Variants in PPP1R12B observed in about 807,000 individuals in gnomAD.
PPP1R12B encodes the protein myosin phosphatase target subunit 2.
A neutral mutation model predicts 126.1 loss-of-function variants in PPP1R12B; 76 were observed. The ratio of observed to expected loss-of-function variants is 0.60; its 90% CI spans 0.50 to 0.73. The LOEUF (loss-of-function observed/expected upper bound fraction) is 0.73, where lower values mean the gene tolerates loss of function less well. Among genes scored for constraint, PPP1R12B ranks in the 30% least tolerant of loss-of-function variants. The pLI, the probability that PPP1R12B is intolerant of heterozygous loss-of-function variation, is 0.00. For synonymous variants in PPP1R12B, 356 were observed against 434.7 expected, an observed-to-expected ratio of 0.82 and a Z score of 2.25; for missense variants, 1,052 against 1,205.1, an observed-to-expected ratio of 0.87 and a Z score of 1.88.
intron 1 of PPP1R12B, among the ~76,000 whole-genome samples, chr1:202,388,189 C>T (rs935807503): frequency 6.6e-6 from 1 of 151,078 alleles, no homozygotes; most frequent in Non-Finnish European, 1.5e-5. Flanking sequence ...ATATATAAGA[C>T]TTTTCTTTTT....
rs536021696 is a variant in PPP1R12B at position 202,438,339 on chromosome 1, C to T, written c.1458+315C>T. The T allele has an allele frequency of 1.8e-5, 20 of 1,140,618 alleles. No individual in the cohort carries two copies. The East Asian group carries it at 5.6e-4, about 32-fold the overall frequency. 70.7% of individuals were successfully genotyped at this position (1,140,618 alleles called of 1,614,324 possible). A position where few individuals can be genotyped will look rare whatever the true frequency, so the allele number is the denominator to read the frequency against. Reference sequence around the variant, plus strand: ...AATTTCAGTATGGCGGAGGGGGGCACAGGACCCCAGGTAGGGGTCCTGGAT... The same window carrying T: ...AATTTCAGTATGGCGGAGGGGGGCATAGGACCCCAGGTAGGGGTCCTGGAT... On this transcript the variant is annotated intron_variant, in intron 10 of 23. Coordinates refer to ENST00000608999, the MANE Select transcript of PPP1R12B (RefSeq NM_002481.4).
At chr1:202,510,611 T>C (rs1371494998) in intron 18 of PPP1R12B, among the ~76,000 whole-genome samples, 1 of 152,038 alleles carries the variant, frequency 6.6e-6, no homozygotes, top group Non-Finnish European at 1.5e-5. Context: ...TAACCCAGAG[T>C]ACCAAATTCT....
chr1:202,560,670 A>G (rs1572510006), intron 19 of PPP1R12B, among the ~76,000 whole-genome samples: 1 of 152,044 alleles, frequency 6.6e-6, no homozygotes, highest in East Asian at 1.9e-4. Flanking sequence ...CTCCTATCTC[A>G]TTCAGTGACT....
At chr1:202,566,956 A>G (rs988243202) in intron 21 of PPP1R12B, among the ~76,000 whole-genome samples, 1 of 152,228 alleles carries the variant, frequency 6.6e-6, no homozygotes, top group South Asian at 2.1e-4. Flanking sequence ...GCTGAGTTCT[A>G]TGACCCTAAG....
At chr1:202,567,753 A>G (rs1359927266) in intron 21 of PPP1R12B, 25 bp from the exon 22 acceptor site, 8 of 1,612,880 alleles carry the variant, frequency 5.0e-6, no homozygotes, top group Non-Finnish European at 6.8e-6. Context: ...TTAAATAACA[A>G]CTGTTTTCCT....
chr1:202,550,971 A>C (rs1686251593), intron 18 of PPP1R12B, among the ~76,000 whole-genome samples: 2 of 152,230 alleles, frequency 1.3e-5, no homozygotes, highest in Admixed American at 1.3e-4. Flanking sequence ...CACAAAAGGG[A>C]GGTGCAGGTC....
intron 18 of PPP1R12B, among the ~76,000 whole-genome samples, chr1:202,538,272 G>A (rs1684755734): frequency 6.6e-6 from 1 of 152,232 alleles, no homozygotes; most frequent in Admixed American, 6.5e-5. Context: ...TGGGATTACA[G>A]GCGTGAGCCA....
At chr1:202,514,771 T>C (rs528301417) in intron 18 of PPP1R12B, among the ~76,000 whole-genome samples, 1 of 152,292 alleles carries the variant, frequency 6.6e-6, no homozygotes, top group South Asian at 2.1e-4. Flanking sequence ...CTCTATTCTA[T>C]TCCATTGGTC....
chr1:202,380,215 G>T (rs1662014460), intron 1 of PPP1R12B, among the ~76,000 whole-genome samples: 1 of 152,078 alleles, frequency 6.6e-6, no homozygotes, highest in South Asian at 2.1e-4. Flanking sequence ...CCTCCTCTGT[G>T]AAGTTCTACC....
At position 202,422,718 on chromosome 1, in the gene PPP1R12B, T is replaced by C; in HGVS notation, c.521T>C (p.Leu174Pro). The C allele has an allele frequency of 6.2e-7, 1 of 1,613,796 alleles. No homozygotes were observed. Residue 174 changes from leucine to proline, a missense_variant, in exon 3 of 24, where the codon CTG (leucine) becomes CCG (proline). By Grantham distance (98) the Leu-to-Pro change is moderately conservative. Transcript: ENST00000608999. ...GAGCCAGCCATGAAGGATCTTCTTC[T>C]GGAGCAAGTAAAGAAGCAAGGTAAC... ...AEEPAMKDLL[L>P]EQVKKQGVDL...
intron 18 of PPP1R12B, among the ~76,000 whole-genome samples, chr1:202,499,691 ATTGT>A (rs1332291595): frequency 6.6e-6 from 1 of 152,232 alleles, no homozygotes; most frequent in African/African-American, 2.4e-5. Context: ...TCAAAAGAAG[ATTGT>A]TTAATACTTC....
Position 202,449,014 on chromosome 1 carries a change from A to G in PPP1R12B, c.1693A>G (p.Thr565Ala), listed in dbSNP as rs35449619. 4.6e-5 allele frequency: 74 copies of G among 1,613,816 alleles called. No individual in the cohort carries two copies. Among genetic ancestry groups the G allele is most frequent in the Non-Finnish European group, 1.8e-5 (21 of 1,179,862 alleles). ...KRTPHKSQAD[T>A]TAEKTADNVS... ...GACTCCTCACAAATCCCAGGCCGAC[A>G]CAACAGCAGAGAAAACAGCAGACAA... Residue 565 changes from threonine to alanine, a missense_variant, in exon 13 of 24, where the codon ACA becomes GCA. Thr to Ala is a moderately conservative substitution (Grantham distance 58). Transcript: ENST00000608999.
chr1:202,439,803 C>T, intron 10 of PPP1R12B: 1 of 430,142 alleles, frequency 2.3e-6, no homozygotes, highest in Non-Finnish European at 4.4e-6. Flanking sequence ...CCCCACTCCC[C>T]TTCTCCTGCT....
At chr1:202,442,640 A>T in intron 12 of PPP1R12B, 68 bp downstream of exon 12, 1 of 1,432,462 alleles carries the variant, frequency 7.0e-7, no homozygotes, top group Non-Finnish European at 9.4e-7. Context: ...TAATGATTGT[A>T]TGCCTTTTTA....
intron 13 of PPP1R12B, chr1:202,462,755 A>G (rs990449400): frequency 2.3e-5 from 23 of 981,788 alleles, no homozygotes; most frequent in Middle Eastern, 5.2e-4. Flanking sequence ...TGCTGGTACA[A>G]TCTCATAAAA....
At chr1:202,519,227 G>A (rs1210117280) in intron 18 of PPP1R12B, among the ~76,000 whole-genome samples, 1 of 151,872 alleles carries the variant, frequency 6.6e-6, no homozygotes, top group Admixed American at 6.6e-5. Flanking sequence ...ATTTAATCTT[G>A]AGTTTTCCTT....
In PPP1R12B at chr1:202,590,467, G is replaced by A. The variant is rs1690064100; in HGVS notation, c.*9907G>A. 6.6e-6 allele frequency: 1 copy of A among 151,684 alleles called. No homozygotes were observed. Among genetic ancestry groups the A allele is most frequent in the East Asian group, 1.9e-4 (1 of 5,134 alleles). 9.4% of individuals were successfully genotyped at this position (151,684 alleles called of 1,614,324 possible). A position where few individuals can be genotyped will look rare whatever the true frequency, so the allele number is the denominator to read the frequency against. On this transcript the variant is annotated 3_prime_UTR_variant, in exon 24 of 24. Transcript: ENST00000608999. Reference sequence around the variant, plus strand: ...GTGCTTCCCTGAAGGGAGATTCTGGGTTAGAAGCCAGAGCCTCAGGACCAT... The same window carrying A: ...GTGCTTCCCTGAAGGGAGATTCTGGATTAGAAGCCAGAGCCTCAGGACCAT...
chr1:202,371,301 G>A (rs1377025434), intron 1 of PPP1R12B, among the ~76,000 whole-genome samples: 2 of 151,508 alleles, frequency 1.3e-5, no homozygotes, highest in African/African-American at 4.9e-5. Flanking sequence ...GATTACAGGC[G>A]TGAGCCACTG....
Position 202,564,532 on chromosome 1 carries a change from T to G in PPP1R12B, c.2742T>G (p.Leu914=). 1.2e-6 allele frequency: 2 copies of G among 1,611,298 alleles called. No homozygotes were observed. The highest frequency in any genetic ancestry group is 1.7e-6 in the Non-Finnish European group (2 of 1,178,654). ...QLELADIKSK[L]EKVAQQKQEK... ...AGCTAGCAGATATAAAGTCCAAGCT[T>G]GAGAAGGTGGCCCAGGTAAGACGGA... The change falls in exon 21 of 24, where the codon CTT becomes CTG. Residue 914 remains leucine (L), a synonymous_variant. Transcript: ENST00000608999.
Sources: allele counts gnomAD v4.1 joint callset (sites outside exome capture counted in the v4.1 genomes callset), GRCh38; gene constraint gnomAD v4.1.1; transcripts MANE v1.5; gene names NCBI Gene and HGNC (gene_info 2026-07-23, HGNC 2026-07-21).